Variants in IFT81 observed in about 807,000 individuals in gnomAD.
IFT81 encodes intraflagellar transport protein 81 homolog.
IFT81 carries 72 observed loss-of-function variants against 102.6 expected under a neutral mutation model. That is an observed-to-expected ratio of 0.70 (90% CI 0.58 to 0.85). The LOEUF is 0.85. Among genes scored for constraint, IFT81 ranks in the 40% least tolerant of loss-of-function variants. The probability of loss-of-function intolerance (pLI) is 0.00; values close to 1 mark genes in which losing one functional copy is unlikely to be tolerated. For missense variants in IFT81, 723 were observed against 787.3 expected (o/e 0.92, Z 0.98); for synonymous variants, 237 against 242.7 (o/e 0.98, Z 0.22).
At chr12:110,127,054 G>A (rs1049792531) in intron 1 of IFT81, among the ~76,000 whole-genome samples, 1 of 152,188 alleles carries the variant, frequency 6.6e-6, no homozygotes, top group South Asian at 2.1e-4. Flanking sequence ...TTATGCACCG[G>A]TATGGGAGAG....
chr12:110,194,496 A>T lies in IFT81; in HGVS notation c.1557+1790A>T, dbSNP rs999552189. ...TCTGCTGTTGCCAGGCTAGTCTCGAACTCCTGGGCTCAAGCAGTCCTCCCA... is the reference window on the plus strand; with the variant it reads ...TCTGCTGTTGCCAGGCTAGTCTCGATCTCCTGGGCTCAAGCAGTCCTCCCA... On this transcript the variant is annotated intron_variant, in intron 14 of 18. Coordinates refer to ENST00000242591, the MANE Select transcript of IFT81 (RefSeq NM_014055.4). 2.6e-5 allele frequency among the ~76,000 whole-genome samples: 4 copies of T among 151,780 alleles called. 1 individual carries two copies. The highest frequency in any genetic ancestry group is 5.9e-5 in the Non-Finnish European group (4 of 67,962).
intron 4 of IFT81, among the ~76,000 whole-genome samples, chr12:110,131,762 A>G (rs1894178601): frequency 1.3e-5 from 2 of 152,182 alleles, no homozygotes; most frequent in African/African-American, 4.8e-5. Flanking sequence ...TCACTATATG[A>G]TGGAGGGAGA....
intron 8 of IFT81, among the ~76,000 whole-genome samples, chr12:110,139,336 C>CAAA (rs398044810): frequency 1.9e-5 from 1 of 52,566 alleles, no homozygotes. Flanking sequence ...GACTCTGTCT[C>CAAA]AAAAAAAAAA....
intron 14 of IFT81, among the ~76,000 whole-genome samples, chr12:110,199,007 C>T (rs1459068301): frequency 2.0e-5 from 3 of 152,020 alleles, no homozygotes; most frequent in African/African-American, 7.2e-5. Context: ...CAGGTTTTCA[C>T]CATGTTGGCC....
intron 9 of IFT81, among the ~76,000 whole-genome samples, chr12:110,145,853 C>T (rs1447175566): frequency 6.6e-6 from 1 of 151,924 alleles, no homozygotes; most frequent in Non-Finnish European, 1.5e-5. Flanking sequence ...CTCTGTCACC[C>T]AGGCTGGAGT....
chr12:110,144,198 GT>G (rs1324457038), intron 9 of IFT81, among the ~76,000 whole-genome samples: 2 of 149,304 alleles, frequency 1.3e-5, no homozygotes, highest in African/African-American at 4.9e-5. Flanking sequence ...TGTTGTTGTT[GT>G]TTTTGTTGTT....
intron 8 of IFT81, among the ~76,000 whole-genome samples, chr12:110,138,536 G>A (rs1440051024): frequency 6.6e-6 from 1 of 151,818 alleles, no homozygotes; most frequent in African/African-American, 2.4e-5. Flanking sequence ...GGGTTCAAGC[G>A]ATTCTCCTGC....
intron 11 of IFT81, chr12:110,168,851 C>G (rs1467609184): frequency 6.6e-6 from 1 of 152,156 alleles, no homozygotes; most frequent in Admixed American, 6.6e-5. Context: ...CTAGAAAGGT[C>G]TGCTTGCAAA....
intron 12 of IFT81, among the ~76,000 whole-genome samples, chr12:110,181,227 A>G (rs1339510640): frequency 6.6e-6 from 1 of 152,212 alleles, no homozygotes; most frequent in Non-Finnish European, 1.5e-5. Context: ...GAACTGTCTC[A>G]TGCTGATGAA....
chr12:110,137,876 G>C (rs1344315137), intron 8 of IFT81, among the ~76,000 whole-genome samples: 1 of 152,174 alleles, frequency 6.6e-6, no homozygotes, highest in Non-Finnish European at 1.5e-5. Flanking sequence ...TTAAAACCGA[G>C]TGTTTTTCAT....
intron 11 of IFT81, among the ~76,000 whole-genome samples, chr12:110,179,724 TTATATATATATATATA>T (rs751481208): frequency 0.023 from 1,113 of 48,616 alleles, 39 homozygotes; most frequent in African/African-American, 0.05. Context: ...TATCTCGAAA[TTATATATATATATATA>T]TATATATATA....
chr12:110,192,937 G>A (rs2137551384), intron 14 of IFT81, among the ~76,000 whole-genome samples: 1 of 152,244 alleles, frequency 6.6e-6, no homozygotes, highest in South Asian at 2.1e-4. Context: ...TGAGACAGGA[G>A]GATGATCACT....
intron 12 of IFT81, among the ~76,000 whole-genome samples, chr12:110,183,679 C>T (rs989275466): frequency 2.6e-5 from 4 of 152,174 alleles, no homozygotes; most frequent in Admixed American, 6.5e-5. Flanking sequence ...TTAGTGCCTA[C>T]TCCCATAGGT....
chr12:110,159,121 T>C (rs999643355), intron 10 of IFT81, among the ~76,000 whole-genome samples: 1 of 152,188 alleles, frequency 6.6e-6, no homozygotes, highest in African/African-American at 2.4e-5. Flanking sequence ...TTTTTTGTTA[T>C]AGTTTTTGTT....
chr12:110,146,804 T>TAA, intron 9 of IFT81, 149 bp from the exon 10 acceptor site: 12 of 913,512 alleles, frequency 1.3e-5, no homozygotes, highest in African/African-American at 8.7e-5. Context: ...CCCCATCTCT[T>TAA]AAAAAAAAAA....
At chr12:110,153,123 C>T (rs1373016787) in intron 10 of IFT81, among the ~76,000 whole-genome samples, 1 of 152,218 alleles carries the variant, frequency 6.6e-6, no homozygotes, top group Non-Finnish European at 1.5e-5. Context: ...TTCCTTCTAA[C>T]AGTCTTATGC....
intron 8 of IFT81, among the ~76,000 whole-genome samples, chr12:110,137,200 C>T (rs1043683320): frequency 2.6e-5 from 4 of 152,020 alleles, no homozygotes; most frequent in African/African-American, 9.7e-5. Flanking sequence ...ATTAGCAGAG[C>T]GTGGTGGTGG....
At chr12:110,128,615 C>T (rs747047017) in intron 3 of IFT81, among the ~76,000 whole-genome samples, 10 of 151,246 alleles carry the variant, frequency 6.6e-5, no homozygotes, top group Non-Finnish European at 1.2e-4. Flanking sequence ...CATGGCGAAA[C>T]GCTGCCTCTA....
chr12:110,208,193 A>C (rs1199516897), intron 17 of IFT81, among the ~76,000 whole-genome samples: 1 of 152,208 alleles, frequency 6.6e-6, no homozygotes, highest in African/African-American at 2.4e-5. Context: ...GTATACATAC[A>C]TATGTATATA....
Sources: allele counts gnomAD v4.1 joint callset (sites outside exome capture counted in the v4.1 genomes callset), GRCh38; gene constraint gnomAD v4.1.1; transcripts MANE v1.5; gene names NCBI Gene and HGNC (gene_info 2026-07-23, HGNC 2026-07-21).